ARMC1: variants seen among roughly 807,000 people sequenced by gnomAD.
ARMC1 encodes the protein armadillo repeat-containing protein 1.
A neutral mutation model predicts 31.4 loss-of-function variants in ARMC1; 16 were observed. The ratio of observed to expected loss-of-function variants is 0.51; its 90% CI spans 0.34 to 0.77. The LOEUF is 0.77. ARMC1 is among the 30% of genes least tolerant of loss of function. ARMC1 has a pLI of 0.01. For missense variants in ARMC1, 259 were observed against 347.5 expected, an observed-to-expected ratio of 0.75 and a Z score of 2.02; for synonymous variants, 114 against 118.9, an observed-to-expected ratio of 0.96 and a Z score of 0.27.
intron 2 of ARMC1, among the ~76,000 whole-genome samples, chr8:65,624,279 A>C (rs1465066148): frequency 6.6e-6 from 1 of 151,490 alleles, no homozygotes; most frequent in Non-Finnish European, 1.5e-5. Context: ...GGGGCAGATC[A>C]CCTGAACTCA....
chr8:65,625,600 G>C (rs866807163), intron 2 of ARMC1, among the ~76,000 whole-genome samples: 5 of 152,070 alleles, frequency 3.3e-5, no homozygotes, highest in South Asian at 2.1e-4. Context: ...CCTATCTATA[G>C]ATCAACCCCC....
chr8:65,624,611 T>C (rs1808476420), intron 2 of ARMC1, among the ~76,000 whole-genome samples: 1 of 151,790 alleles, frequency 6.6e-6, no homozygotes, highest in Non-Finnish European at 1.5e-5. Context: ...GTAAAATGTA[T>C]GACAAAAATA....
chr8:65,619,528 C>CT (rs771746469), intron 3 of ARMC1, among the ~76,000 whole-genome samples: 4 of 151,364 alleles, frequency 2.6e-5, no homozygotes, highest in Non-Finnish European at 5.9e-5. Context: ...GAGAGTGAGA[C>CT]TTTGTCTCAA....
intron 3 of ARMC1, among the ~76,000 whole-genome samples, chr8:65,616,323 G>C (rs10097408): frequency 0.64 from 96,613 of 152,006 alleles, 30,941 homozygotes; most frequent in African/African-American, 0.69. Context: ...TTGGTGGAGA[G>C]GGGGTTTCGC....
intron 4 of ARMC1, among the ~76,000 whole-genome samples, chr8:65,609,893 A>AAAAGAAAAG (rs1808091620): frequency 6.6e-6 from 1 of 151,210 alleles, no homozygotes; most frequent in Non-Finnish European, 1.5e-5. Flanking sequence ...AAAAAGAAAA[A>AAAAGAAAAG]AGCTGTGAAT....
At chr8:65,631,664 A>G (rs1808647057) in intron 1 of ARMC1, among the ~76,000 whole-genome samples, 1 of 152,212 alleles carries the variant, frequency 6.6e-6, no homozygotes, top group African/African-American at 2.4e-5. Context: ...TCTAACCCCA[A>G]TCATGTATTA....
intron 1 of ARMC1, among the ~76,000 whole-genome samples, chr8:65,628,627 G>A (rs1340377496): frequency 6.7e-6 from 1 of 150,350 alleles, no homozygotes; most frequent in African/African-American, 2.4e-5. Context: ...GGAGGCCGAG[G>A]CAGGCAGATC....
chr8:65,627,813 T>G (rs1808547618), intron 1 of ARMC1, among the ~76,000 whole-genome samples: 1 of 152,234 alleles, frequency 6.6e-6, no homozygotes, highest in Non-Finnish European at 1.5e-5. Context: ...CTAAAACAAG[T>G]GCCCGAGGGA....
chr8:65,616,731 G>A (rs1261145071), intron 3 of ARMC1, among the ~76,000 whole-genome samples: 4 of 150,160 alleles, frequency 2.7e-5, no homozygotes, highest in Admixed American at 6.7e-5. Flanking sequence ...TGTGGGGAGC[G>A]CCTCTGCCCC....
chr8:65,615,416 A>C (rs74500808), intron 3 of ARMC1, among the ~76,000 whole-genome samples: 3 of 151,890 alleles, frequency 2.0e-5, no homozygotes, highest in African/African-American at 7.3e-5. Flanking sequence ...AAAAAAAAAA[A>C]AAACAGGGCC....
At chr8:65,619,949 A>C (rs1221031861) in intron 3 of ARMC1, among the ~76,000 whole-genome samples, 1 of 149,110 alleles carries the variant, frequency 6.7e-6, no homozygotes, top group Non-Finnish European at 1.5e-5. Flanking sequence ...GCGCCATTGC[A>C]CTCCAGCCTG....
At chr8:65,624,332 C>T (rs1487468028) in intron 2 of ARMC1, among the ~76,000 whole-genome samples, 4 of 151,290 alleles carry the variant, frequency 2.6e-5, no homozygotes, top group Non-Finnish European at 5.9e-5. Context: ...AACCCTGTCT[C>T]TACTAAAAAT....
At chr8:65,622,242 G>C (rs949656969) in intron 3 of ARMC1, 21 bp downstream of exon 3, 4 of 1,558,482 alleles carry the variant, frequency 2.6e-6, no homozygotes, top group East Asian at 2.2e-5. Flanking sequence ...AAATAAATGA[G>C]ACACTGTCTA....
At chr8:65,614,600 A>G (rs1808212042) in intron 3 of ARMC1, among the ~76,000 whole-genome samples, 2 of 152,154 alleles carry the variant, frequency 1.3e-5, no homozygotes, top group African/African-American at 2.4e-5. Flanking sequence ...CAAACCCTTT[A>G]ATGTACACTC....
intron 3 of ARMC1, among the ~76,000 whole-genome samples, chr8:65,617,162 C>T (rs1808288757): frequency 2.0e-5 from 3 of 152,138 alleles, no homozygotes; most frequent in South Asian, 2.1e-4. Context: ...ATGACGATGG[C>T]GGTTTTGTCG....
At position 65,606,386 on chromosome 8, in the gene ARMC1, GAA is replaced by G. The variant is rs1808003688; in HGVS notation, c.466-850_466-849del. Among the ~76,000 whole-genome samples the G allele has an allele frequency of 2.7e-5, 4 of 149,428 alleles. No individual in the cohort carries two copies. In the South Asian group the frequency reaches 8.5e-4, roughly 32 times the overall value. On this transcript the variant is annotated intron_variant, in intron 4 of 6. Coordinates refer to ENST00000276569, the MANE Select transcript of ARMC1 (RefSeq NM_018120.6). ...AAAAAAAAAAAAAAAGAAAAGAAAA[GAA>G]AAGTTTTATGATCCACACACTAGCC...
chr8:65,620,294 CTTTTTTTT>C (rs755112362), intron 3 of ARMC1, among the ~76,000 whole-genome samples: 17 of 90,156 alleles, frequency 1.9e-4, no homozygotes, highest in African/African-American at 6.3e-4. Flanking sequence ...ATTATTATTA[CTTTTTTTT>C]TTTTTTTTTT....
At chr8:65,605,107 G>T (rs377551522) in intron 6 of ARMC1, among the ~76,000 whole-genome samples, 156 bp downstream of exon 6, 1 of 152,138 alleles carries the variant, frequency 6.6e-6, no homozygotes, top group Non-Finnish European at 1.5e-5. Flanking sequence ...ATCCACAAAA[G>T]ATCTCTCTAT....
chr8:65,616,373 G>T (rs150496107), intron 3 of ARMC1, among the ~76,000 whole-genome samples: 131 of 152,354 alleles, frequency 8.6e-4, no homozygotes, highest in African/African-American at 3.0e-3. Context: ...AACCACGAGT[G>T]ATCTGCCAGC....
Sources: allele counts gnomAD v4.1 joint callset (sites outside exome capture counted in the v4.1 genomes callset), GRCh38; gene constraint gnomAD v4.1.1; transcripts MANE v1.5; gene names NCBI Gene and HGNC (gene_info 2026-07-23, HGNC 2026-07-21).